BEND7: variants seen among roughly 807,000 people sequenced by gnomAD.
The protein encoded by BEND7 is BEN domain-containing protein 7.
BEND7 carries 28 observed loss-of-function variants against 50.9 expected under a neutral mutation model. The ratio of observed to expected loss-of-function variants is 0.55; its 90% CI spans 0.41 to 0.75. The LOEUF (loss-of-function observed/expected upper bound fraction) is 0.75. BEND7 is among the 30% of genes least tolerant of loss of function. BEND7 has a pLI of 0.00. For missense variants in BEND7, 477 were observed against 491.3 expected, an observed-to-expected ratio of 0.97 and a Z score of 0.28; for synonymous variants, 170 against 183.9, an observed-to-expected ratio of 0.92 and a Z score of 0.61.
chr10:13,466,782 G>A (rs987535095), intron 6 of BEND7, among the ~76,000 whole-genome samples: 3 of 152,104 alleles, frequency 2.0e-5, no homozygotes, highest in African/African-American at 7.2e-5. Context: ...AAATGAATGA[G>A]GAAAAAGTCA....
chr10:13,517,231 G>C (rs920451143), intron 2 of BEND7, among the ~76,000 whole-genome samples: 1 of 151,722 alleles, frequency 6.6e-6, no homozygotes, highest in Non-Finnish European at 1.5e-5. Context: ...GCTAATTTTT[G>C]TATTTTTTTG....
At chr10:13,439,965 C>T (rs1342680157), downstream of BEND7, among the ~76,000 whole-genome samples, 1 of 152,220 alleles carries the variant, frequency 6.6e-6, no homozygotes, top group Non-Finnish European at 1.5e-5. Flanking sequence ...GCCCTAAACA[C>T]CCACAGTGTC....
At chr10:13,450,659 G>C (rs539133126) in intron 7 of BEND7, among the ~76,000 whole-genome samples, 1 of 152,096 alleles carries the variant, frequency 6.6e-6, no homozygotes, top group African/African-American at 2.4e-5. Context: ...CAAGGGAGCC[G>C]ATCACAAGTA....
At chr10:13,472,329 T>TA (rs1031216433) in intron 6 of BEND7, among the ~76,000 whole-genome samples, 23 of 151,874 alleles carry the variant, frequency 1.5e-4, no homozygotes, top group Non-Finnish European at 2.9e-4. Flanking sequence ...TCATCTCTCT[T>TA]AGACTCAGGG....
chr10:13,477,814 T>G (rs1326379055), intron 6 of BEND7, among the ~76,000 whole-genome samples: 1 of 152,178 alleles, frequency 6.6e-6, no homozygotes, highest in Non-Finnish European at 1.5e-5. Context: ...AACGTCAAAG[T>G]CAAGATGAAA....
At chr10:13,518,391 C>A in intron 2 of BEND7, among the ~76,000 whole-genome samples, 1 of 152,350 alleles carries the variant, frequency 6.6e-6, no homozygotes, top group South Asian at 2.1e-4. Context: ...CTCAGAAACC[C>A]GACAGGCACT....
At chr10:13,527,895 C>CT (rs1034944391) in intron 1 of BEND7, 48 of 963,246 alleles carry the variant, frequency 5.0e-5, no homozygotes, top group African/African-American at 7.1e-5. Context: ...TTTCTTTTTT[C>CT]TTTTTTTTAA....
At chr10:13,471,020 T>C (rs1012931018) in intron 6 of BEND7, among the ~76,000 whole-genome samples, 1 of 152,238 alleles carries the variant, frequency 6.6e-6, no homozygotes, top group African/African-American at 2.4e-5. Context: ...GCATTTGATA[T>C]ACTTCTCTTC....
chr10:13,464,291 A>G (rs545707337), intron 6 of BEND7, among the ~76,000 whole-genome samples: 1 of 152,332 alleles, frequency 6.6e-6, no homozygotes, highest in Admixed American at 6.5e-5. Flanking sequence ...GAGGAAGAAA[A>G]GGCTTTGTCA....
chr10:13,464,133 C>T lies in BEND7; in HGVS notation c.1064-11475G>A, dbSNP rs186030959. Among the ~76,000 whole-genome samples, 13 of 152,338 alleles carry T rather than the reference C, an allele frequency of 8.5e-5. No homozygotes were observed. In the East Asian group the frequency reaches 2.5e-3, roughly 29 times the overall value. Reference sequence around the variant, plus strand: ...TGATAATGCCCAGCGAAGCTGAAGACGCTGTTCCTTGTTACTCGGCCGTTC... The same window carrying T: ...TGATAATGCCCAGCGAAGCTGAAGATGCTGTTCCTTGTTACTCGGCCGTTC... On this transcript the variant is annotated intron_variant, in intron 6 of 8. Coordinates refer to ENST00000466271, the MANE Select transcript of BEND7 (RefSeq NM_001369863.1).
At chr10:13,505,619 C>G (rs906815553) in intron 2 of BEND7, among the ~76,000 whole-genome samples, 1 of 152,218 alleles carries the variant, frequency 6.6e-6, no homozygotes, top group African/African-American at 2.4e-5. Context: ...AGTCCGACCC[C>G]TGACTGGGAG....
In BEND7 at chr10:13,507,093, G is replaced by T. The variant is rs114145334; in HGVS notation, c.146-7013C>A. ...CTCTGGACTGAGTAAGCCCCTGAGG[G>T]TCATGGATAATTTAGGGGGTGGAGG... On this transcript the variant is annotated intron_variant, in intron 2 of 8. Coordinates refer to ENST00000466271, the MANE Select transcript of BEND7 (RefSeq NM_001369863.1). Among the ~76,000 whole-genome samples, 985 of 152,178 alleles carry T rather than the reference G, an allele frequency of 6.5e-3. 12 individuals carry two copies. Among genetic ancestry groups the T allele is most frequent in the African/African-American group, 0.023 (942 of 41,536 alleles).
At chr10:13,524,133 C>T (rs2079267415) in intron 2 of BEND7, among the ~76,000 whole-genome samples, 1 of 152,202 alleles carries the variant, frequency 6.6e-6, no homozygotes, top group African/African-American at 2.4e-5. Context: ...TGTTGCTCTT[C>T]AGCTTCCCCT....
intron 2 of BEND7, among the ~76,000 whole-genome samples, chr10:13,501,786 C>T (rs1004705816): frequency 6.6e-6 from 1 of 151,490 alleles, no homozygotes; most frequent in African/African-American, 2.4e-5. Flanking sequence ...GCAGAGGTTG[C>T]AGCGAGCCGA....
At chr10:13,486,755 C>T (rs1007363039) in intron 5 of BEND7, among the ~76,000 whole-genome samples, 2 of 152,154 alleles carry the variant, frequency 1.3e-5, no homozygotes, top group African/African-American at 2.4e-5. Flanking sequence ...AAATTTTCTC[C>T]GTGTACTTGC....
chr10:13,500,082 T>G lies in BEND7; in HGVS notation c.146-2A>C. ...TTTTTATTTCCATGCTTTCATCTCCTAATGGAAACAGGGCCAAAGTTAGCA... is the reference window on the plus strand; with the variant it reads ...TTTTTATTTCCATGCTTTCATCTCCGAATGGAAACAGGGCCAAAGTTAGCA... On this transcript the variant is annotated splice_acceptor_variant, in intron 2 of 8. Coordinates refer to ENST00000466271, the MANE Select transcript of BEND7 (RefSeq NM_001369863.1). LOFTEE classifies it high-confidence loss of function. The G allele has an allele frequency of 6.3e-7, 1 of 1,582,072 alleles. No individual in the cohort carries two copies.
At chr10:13,521,520 A>G (rs968016151) in intron 2 of BEND7, among the ~76,000 whole-genome samples, 5 of 152,224 alleles carry the variant, frequency 3.3e-5, no homozygotes, top group African/African-American at 1.2e-4. Context: ...GAGAGGACTT[A>G]CAAGAAGGAG....
At chr10:13,510,700 G>C (rs1410065237) in intron 2 of BEND7, among the ~76,000 whole-genome samples, 1 of 152,136 alleles carries the variant, frequency 6.6e-6, no homozygotes, top group Non-Finnish European at 1.5e-5. Context: ...AATCTGCCTG[G>C]TTCCAAATAG....
intron 4 of BEND7, among the ~76,000 whole-genome samples, chr10:13,495,936 GATTT>G (rs2076989717): frequency 6.6e-6 from 1 of 152,278 alleles, no homozygotes; most frequent in South Asian, 2.1e-4. Context: ...TTAATACAAT[GATTT>G]ATTTCTTGTA....
Sources: gnomAD v4.1 joint callset for allele counts (sites outside exome capture counted in the v4.1 genomes callset) on GRCh38, gnomAD v4.1.1 for gene constraint, MANE v1.5 for transcripts, NCBI Gene and HGNC (gene_info 2026-07-23, HGNC 2026-07-21) for gene names.